ASAP1: variants seen among roughly 807,000 people sequenced by gnomAD.
ASAP1 encodes ArfGAP with SH3 domain, ankyrin repeat and PH domain 1.
Under a neutral mutation model 145.2 loss-of-function variants are expected in ASAP1, and 43 were observed. That is an observed-to-expected ratio of 0.30 (90% CI 0.23 to 0.38). ASAP1 has a LOEUF of 0.38. ASAP1 is among the 10% of genes least tolerant of loss of function. The pLI, the probability that ASAP1 is intolerant of heterozygous loss-of-function variation, is 1.00. For missense variants in ASAP1, 1,018 were observed against 1,355.3 expected (o/e 0.75, Z 3.91); for synonymous variants, 546 against 515.5 (o/e 1.06, Z -0.80).
At chr8:130,436,364 G>A (rs1830312762) in intron 1 of ASAP1, among the ~76,000 whole-genome samples, 1 of 152,124 alleles carries the variant, frequency 6.6e-6, no homozygotes, top group Non-Finnish European at 1.5e-5. Context: ...GCACAATCTT[G>A]GTTCACTGCA....
At chr8:130,246,811 G>A (rs781496015) in intron 3 of ASAP1, among the ~76,000 whole-genome samples, 7 of 152,116 alleles carry the variant, frequency 4.6e-5, no homozygotes, top group Non-Finnish European at 8.8e-5. Context: ...GCTAAGCTAA[G>A]TTTTGCTTTT....
chr8:130,426,160 C>A (rs1228747531), intron 1 of ASAP1, among the ~76,000 whole-genome samples: 1 of 152,066 alleles, frequency 6.6e-6, no homozygotes, highest in Non-Finnish European at 1.5e-5. Context: ...GATAAACTCT[C>A]CCGAGATCCG....
chr8:130,251,553 C>A (rs566870079), intron 3 of ASAP1, among the ~76,000 whole-genome samples: 1 of 151,990 alleles, frequency 6.6e-6, no homozygotes, highest in East Asian at 1.9e-4. Context: ...ATACTATCAG[C>A]AAAAAGATAA....
chr8:130,298,216 G>C (rs1181496714), intron 3 of ASAP1, among the ~76,000 whole-genome samples: 3 of 152,200 alleles, frequency 2.0e-5, no homozygotes, highest in African/African-American at 4.8e-5. Flanking sequence ...AGGGAAGCAT[G>C]AGAAACCTGT....
At chr8:130,134,451 T>C (rs2097589630) in intron 14 of ASAP1, 107 bp from the exon 15 acceptor site, 2 of 618,214 alleles carry the variant, frequency 3.2e-6, no homozygotes, top group Non-Finnish European at 2.6e-6. Context: ...AGTAGAATTT[T>C]AATATTATTT....
chr8:130,179,410 G>C, intron 8 of ASAP1, 61 bp from the exon 9 acceptor site: 3 of 1,058,708 alleles, frequency 2.8e-6, no homozygotes, highest in African/African-American at 1.6e-5. Flanking sequence ...TCAGCCATGG[G>C]TTCAGGTGGC....
chr8:130,357,396 C>T (rs541335481), intron 3 of ASAP1, among the ~76,000 whole-genome samples: 129 of 152,354 alleles, frequency 8.5e-4, no homozygotes, highest in African/African-American at 2.8e-3. Flanking sequence ...ACCAAACCCT[C>T]CGGGTTAGGG....
chr8:130,211,852 A>C (rs1226644877), intron 5 of ASAP1, among the ~76,000 whole-genome samples: 1 of 152,182 alleles, frequency 6.6e-6, no homozygotes, highest in East Asian at 1.9e-4. Context: ...CTACTGTATC[A>C]GTTTGCTTAA....
At chr8:130,392,604 C>CA (rs1477837407) in intron 2 of ASAP1, among the ~76,000 whole-genome samples, 1 of 152,200 alleles carries the variant, frequency 6.6e-6, no homozygotes, top group African/African-American at 2.4e-5. Context: ...CTGAGTGTCT[C>CA]AGTCCATTTG....
chr8:130,272,192 G>T (rs1158293414), intron 3 of ASAP1, among the ~76,000 whole-genome samples: 1 of 151,420 alleles, frequency 6.6e-6, no homozygotes, highest in Non-Finnish European at 1.5e-5. Flanking sequence ...ATGGGCAAAG[G>T]ACATGAATAG....
At chr8:130,335,271 C>G (rs574337101) in intron 3 of ASAP1, among the ~76,000 whole-genome samples, 16 of 152,294 alleles carry the variant, frequency 1.1e-4, no homozygotes, top group Admixed American at 8.5e-4. Context: ...ATGCAACAGA[C>G]CCTCAGCCAA....
At position 130,126,089 on chromosome 8, in the gene ASAP1, T is replaced by C; in HGVS notation, c.1382A>G (p.Glu461Gly). ...CAAGTTGGTTGAAAGCCAGGTGGGT[T>C]CTGTGGAAAGAATGTTGAAGACAAT... is the stretch of plus-strand genomic sequence containing the variant. Reference protein sequence around the residue: ...NDICCDCGSSEPTWLSTNLGI... With the variant: ...NDICCDCGSSGPTWLSTNLGI... The change falls in exon 17 of 30, where the codon GAA becomes GGA. Residue 461 changes from glutamate (E) to glycine (G), a missense_variant and splice_region_variant. By Grantham distance (98) the Glu-to-Gly change is moderately conservative. Transcript: ENST00000518721. 1.2e-6 allele frequency: 2 copies of C among 1,603,690 alleles called. No individual in the cohort carries two copies. The highest frequency in any genetic ancestry group is 8.5e-7 in the Non-Finnish European group (1 of 1,177,084).
chr8:130,380,355 C>A (rs994549969), intron 2 of ASAP1, among the ~76,000 whole-genome samples: 3 of 152,210 alleles, frequency 2.0e-5, no homozygotes, highest in Middle Eastern at 3.2e-3. Context: ...TGGCTGAGGG[C>A]TGCTCCTGGG....
At chr8:130,110,614 G>A (rs1486823565) in intron 24 of ASAP1, among the ~76,000 whole-genome samples, 1 of 152,196 alleles carries the variant, frequency 6.6e-6, no homozygotes, top group Non-Finnish European at 1.5e-5. Flanking sequence ...TGGTGGGTTA[G>A]ACCTTTGGCT....
At chr8:130,339,428 G>A (rs1342565811) in intron 3 of ASAP1, among the ~76,000 whole-genome samples, 1 of 152,134 alleles carries the variant, frequency 6.6e-6, no homozygotes, top group African/African-American at 2.4e-5. Flanking sequence ...AAGTATCCTT[G>A]AGTACATCGA....
In ASAP1 at chr8:130,223,905, G is replaced by A. The variant is rs74450783; in HGVS notation, c.260-9204C>T. Among the ~76,000 whole-genome samples the A allele has an allele frequency of 7.6e-3, 1,163 of 152,178 alleles. 8 individuals are homozygous for A. Among genetic ancestry groups the A allele is most frequent in the Non-Finnish European group, 9.2e-3 (627 of 68,010 alleles). On this transcript the variant is annotated intron_variant, in intron 4 of 29. Transcript: ENST00000518721. The stretch of plus-strand genomic sequence containing the variant: ...ACGAAGAAAAATCTTCCAGAGGATA[G>A]CTGGGATACACGCATTATTACACTC...
rs1487042793 is a variant in ASAP1 at position 130,060,863 on chromosome 8, C to A, written c.2908G>T (p.Asp970Tyr). The A allele has an allele frequency of 1.2e-6, 2 of 1,613,784 alleles. No individual in the cohort carries two copies. Among genetic ancestry groups the A allele is most frequent in the Admixed American group, 1.7e-5 (1 of 59,986 alleles). The change falls in exon 28 of 30, where the codon GAC (aspartate) becomes TAC (tyrosine). Residue 970 changes from aspartate to tyrosine, a missense_variant. Physicochemically the swap from Asp to Tyr is radical, Grantham distance 160. This residue lies in a region of ASAP1 where 139 missense variants were observed against 131.0 expected (regional missense o/e 1.06). Transcript: ENST00000518721. ...GELPPKPQLG[D>Y]LPPKPQLSDL... is the part of the protein sequence containing the mutation. ...GAGAGTTGGGGTTTGGGTGGCAGGT[C>A]CCCCAGCTGTGGTTTGGGGGGCAGT... is the stretch of plus-strand genomic sequence containing the variant.
chr8:130,273,556 C>A (rs1411181208), intron 3 of ASAP1, among the ~76,000 whole-genome samples: 1 of 152,184 alleles, frequency 6.6e-6, no homozygotes, highest in African/African-American at 2.4e-5. Context: ...CTTCTGAACC[C>A]AGGAGCTTGT....
chr8:130,179,408 G>C, intron 8 of ASAP1, 59 bp from the exon 9 acceptor site: 1 of 1,049,016 alleles, frequency 9.5e-7, no homozygotes, highest in Non-Finnish European at 1.5e-6. Context: ...CTTCAGCCAT[G>C]GGTTCAGGTG....
Sources: allele counts gnomAD v4.1 joint callset (sites outside exome capture counted in the v4.1 genomes callset), GRCh38; gene constraint gnomAD v4.1.1; regional missense constraint gnomAD v4.1.1; transcripts MANE v1.5; gene names NCBI Gene and HGNC (gene_info 2026-07-23, HGNC 2026-07-21).